The following GRIP1 variants were observed in gnomAD, a reference collection of about 807,000 sequenced individuals.
GRIP1 encodes the protein glutamate receptor interacting protein 1.
Under a neutral mutation model 129.9 loss-of-function variants are expected in GRIP1, and 45 were observed. That is an observed-to-expected ratio of 0.35 (90% CI 0.27 to 0.44). The LOEUF is 0.44. GRIP1 is among the 20% of genes least tolerant of loss of function. The pLI is 1.00. For missense variants in GRIP1, 1,196 were observed against 1,396.8 expected (o/e 0.86, Z 2.29); for synonymous variants, 530 against 520.8 (o/e 1.02, Z -0.24).
chr12:66,891,994 A>C (rs1018547926), intron 1 of GRIP1: 1 of 152,264 alleles, frequency 6.6e-6, no homozygotes, highest in Non-Finnish European at 1.5e-5. Context: ...AGATAGTAAA[A>C]ATCAAGGGCC....
chr12:66,387,693 CA>C (rs1422133642), intron 19 of GRIP1, among the ~76,000 whole-genome samples: 1 of 151,992 alleles, frequency 6.6e-6, no homozygotes, highest in African/African-American at 2.4e-5. Context: ...CTCTATAAAA[CA>C]AGAGATCAAA....
chr12:66,984,029 C>A (rs1233572092), intron 1 of GRIP1, among the ~76,000 whole-genome samples: 1 of 152,160 alleles, frequency 6.6e-6, no homozygotes, highest in East Asian at 1.9e-4. Flanking sequence ...AGAGATACAG[C>A]ATTTCGTGAC....
At chr12:66,824,381 G>C (rs536996123) in intron 1 of GRIP1, among the ~76,000 whole-genome samples, 1 of 152,170 alleles carries the variant, frequency 6.6e-6, no homozygotes. Flanking sequence ...TGCCTCATAT[G>C]ATGAGTCATT....
At chr12:66,734,852 A>G (rs746564564) in intron 1 of GRIP1, among the ~76,000 whole-genome samples, 16 of 152,214 alleles carry the variant, frequency 1.1e-4, no homozygotes, top group Non-Finnish European at 2.4e-4. Flanking sequence ...CTTAAAGAAG[A>G]GTGGAATCTC....
intron 1 of GRIP1, among the ~76,000 whole-genome samples, chr12:66,780,396 A>G (rs745430598): frequency 1.3e-5 from 2 of 152,184 alleles, no homozygotes; most frequent in Non-Finnish European, 2.9e-5. Flanking sequence ...CTATGGGCTC[A>G]CGGCAAGACC....
At chr12:66,807,083 A>G (rs2039008198), upstream of GRIP1, among the ~76,000 whole-genome samples, 3 of 152,166 alleles carry the variant, frequency 2.0e-5, no homozygotes, top group Admixed American at 2.0e-4. Flanking sequence ...AAGCATGAGT[A>G]TATGGGCCAC....
At chr12:66,518,281 G>A (rs1421214491) in intron 5 of GRIP1, among the ~76,000 whole-genome samples, 1 of 152,110 alleles carries the variant, frequency 6.6e-6, no homozygotes, top group Non-Finnish European at 1.5e-5. Context: ...GATTTGAACA[G>A]CTGTCAGTTA....
At position 66,469,137 on chromosome 12, in the gene GRIP1, G is replaced by A. The variant is rs1416960126; in HGVS notation, c.725-3715C>T. ...GGCTCAAGGCTGGAGCTGAGGACCAGCTAGAGGGTGGTTCTTGCTATATCA... is the reference window on the plus strand; with the variant it reads ...GGCTCAAGGCTGGAGCTGAGGACCAACTAGAGGGTGGTTCTTGCTATATCA... On this transcript the variant is annotated intron_variant, in intron 7 of 24. Coordinates refer to ENST00000359742, the MANE Select transcript of GRIP1 (RefSeq NM_001366722.1). 5.3e-5 allele frequency among the ~76,000 whole-genome samples: 8 copies of A among 152,182 alleles called. No individual in the cohort carries two copies. The East Asian group carries it at 1.3e-3, about 26-fold the overall frequency.
At chr12:66,384,096 A>AATGTAAGTC (rs2056247255) in intron 19 of GRIP1, among the ~76,000 whole-genome samples, 1 of 152,206 alleles carries the variant, frequency 6.6e-6, no homozygotes, top group Non-Finnish European at 1.5e-5. Context: ...AAGTCAATGT[A>AATGTAAGTC]TTATTAGAGT....
chr12:66,422,258 T>C (rs946714552), intron 14 of GRIP1, among the ~76,000 whole-genome samples: 1 of 152,170 alleles, frequency 6.6e-6, no homozygotes, highest in Non-Finnish European at 1.5e-5. Context: ...AATTAGTCCA[T>C]AGTAAATGCT....
intron 1 of GRIP1, among the ~76,000 whole-genome samples, chr12:66,944,578 T>C (rs1334615590): frequency 2.6e-5 from 4 of 151,814 alleles, no homozygotes; most frequent in Non-Finnish European, 4.4e-5. Context: ...CTTAAGGAAC[T>C]CTGAGATGTG....
At chr12:66,974,685 G>A (rs1440277922) in intron 1 of GRIP1, among the ~76,000 whole-genome samples, 2 of 152,196 alleles carry the variant, frequency 1.3e-5, no homozygotes, top group Non-Finnish European at 2.9e-5. Context: ...CTGGTGTACA[G>A]TAAGCGTTCA....
In GRIP1 at chr12:66,745,885, T is replaced by G. The variant is rs565413652; in HGVS notation, c.-420+58168A>C. ...GTCAGAAGCGGCAAAGCCAGGTCAC[T>G]GAAGTGCAGGGCCCCTCTGTTCAGC... On this transcript the variant is annotated intron_variant, in intron 1 of 4. Transcript: ENST00000538373. Among the ~76,000 whole-genome samples the G allele has an allele frequency of 2.0e-5, 3 of 152,310 alleles. No homozygotes were observed. The East Asian group carries it at 5.8e-4, about 29-fold the overall frequency.
At chr12:66,715,471 T>TGTGTGTGTGTGTGTGTGTGAGA (rs761155485) in intron 1 of GRIP1, among the ~76,000 whole-genome samples, 87 of 110,118 alleles carry the variant, frequency 7.9e-4, no homozygotes, top group African/African-American at 2.1e-3. Context: ...TGTGTGTGTG[T>TGTGTGTGTGTGTGTGTGTGAGA]GAGAGAGAGA....
intron 1 of GRIP1, among the ~76,000 whole-genome samples, chr12:66,617,371 T>G (rs954159176): frequency 6.6e-6 from 1 of 151,564 alleles, no homozygotes; most frequent in Non-Finnish European, 1.5e-5. Context: ...ATCCATCTAA[T>G]AGGCTTTAGT....
chr12:66,894,711 A>C (rs2040716897), intron 1 of GRIP1, among the ~76,000 whole-genome samples: 1 of 152,172 alleles, frequency 6.6e-6, no homozygotes, highest in East Asian at 1.9e-4. Context: ...ACTGCCTCCC[A>C]TACACAGACT....
intron 1 of GRIP1, among the ~76,000 whole-genome samples, chr12:66,641,885 G>A (rs2136092065): frequency 6.6e-6 from 1 of 152,244 alleles, no homozygotes; most frequent in South Asian, 2.1e-4. Context: ...TAAAAGTGAA[G>A]GACAGAGTAA....
chr12:66,414,142 G>C (rs73315156), intron 15 of GRIP1, among the ~76,000 whole-genome samples: 9,801 of 152,064 alleles, frequency 0.064, 839 homozygotes, highest in African/African-American at 0.19. Context: ...CAAATCAGAA[G>C]AGAAGAAGTC....
chr12:66,578,266 G>A (rs1244338275), intron 2 of GRIP1, among the ~76,000 whole-genome samples: 2 of 58,284 alleles, frequency 3.4e-5, no homozygotes, highest in Non-Finnish European at 6.7e-5. Context: ...ATACAAAATT[G>A]AGGGGAGGAG....
Sources: gnomAD v4.1 joint callset for allele counts (sites outside exome capture counted in the v4.1 genomes callset) on GRCh38, gnomAD v4.1.1 for gene constraint, MANE v1.5 for transcripts, NCBI Gene and HGNC (gene_info 2026-07-23, HGNC 2026-07-21) for gene names.